DIAPH2: variants seen among roughly 807,000 people sequenced by gnomAD.
The protein encoded by DIAPH2 is diaphanous related formin 2, also known as protein diaphanous homolog 2.
A neutral mutation model predicts 92.7 loss-of-function variants in DIAPH2; 35 were observed. The ratio of observed to expected loss-of-function variants is 0.38; its 90% CI spans 0.29 to 0.50. The LOEUF (loss-of-function observed/expected upper bound fraction) is 0.50, where lower values mean the gene tolerates loss of function less well. Among genes scored for constraint, DIAPH2 ranks in the 20% least tolerant of loss-of-function variants. The probability of loss-of-function intolerance (pLI) is 0.94; values close to 1 mark genes in which losing one functional copy is unlikely to be tolerated. For missense variants in DIAPH2, 701 were observed against 819.5 expected, an observed-to-expected ratio of 0.86 and a Z score of 1.77; for synonymous variants, 301 against 280.4, an observed-to-expected ratio of 1.07 and a Z score of -0.73.
intron 23 of DIAPH2, among the ~76,000 whole-genome samples, chrX:97,285,418 T>C (rs1294408087): frequency 9.4e-6 from 1 of 106,108 alleles, no homozygotes; most frequent in African/African-American, 3.4e-5. Context: ...GATTCAGTTA[T>C]GGTCAGGCTG....
chrX:97,439,136 A>C (rs371062602), intron 26 of DIAPH2, among the ~76,000 whole-genome samples: 2 of 111,488 alleles, frequency 1.8e-5, no homozygotes, highest in African/African-American at 3.3e-5. Flanking sequence ...AGGTGCCAAA[A>C]ATGAATAGGA....
At chrX:96,821,773 G>A (rs751496961) in intron 4 of DIAPH2, among the ~76,000 whole-genome samples, 13 of 111,483 alleles carry the variant, frequency 1.2e-4, no homozygotes, top group Non-Finnish European at 2.4e-4. Flanking sequence ...TATGGCCTTT[G>A]AAAGTAAGAG....
intron 25 of DIAPH2, among the ~76,000 whole-genome samples, chrX:97,410,976 ACT>A (rs2147758896): frequency 8.9e-6 from 1 of 111,963 alleles, no homozygotes; most frequent in East Asian, 2.8e-4. Flanking sequence ...GTTGGAAAAC[ACT>A]CTGCAGGATA....
chrX:96,855,172 A>G (rs1272801164), intron 4 of DIAPH2, among the ~76,000 whole-genome samples: 2 of 110,256 alleles, frequency 1.8e-5, no homozygotes, highest in South Asian at 7.6e-4. Context: ...TTCTCCTTAG[A>G]TTTTTTTCTG....
At chrX:96,772,180 T>C (rs1411104996) in intron 4 of DIAPH2, among the ~76,000 whole-genome samples, 3 of 112,582 alleles carry the variant, frequency 2.7e-5, no homozygotes, top group African/African-American at 9.7e-5. Flanking sequence ...GAACAAACAT[T>C]AGTTCCTTTG....
chrX:96,788,593 A>G (rs1224778560), intron 4 of DIAPH2, among the ~76,000 whole-genome samples: 3 of 111,961 alleles, frequency 2.7e-5, no homozygotes, highest in African/African-American at 9.7e-5. Flanking sequence ...TGTGTAAGTA[A>G]AATTATAAGT....
chrX:96,912,092 A>G (rs2147779554), intron 5 of DIAPH2, among the ~76,000 whole-genome samples: 1 of 111,379 alleles, frequency 9.0e-6, no homozygotes, highest in South Asian at 3.8e-4. Context: ...TGGTGAAACA[A>G]CCAAGGCAGT....
chrX:97,092,195 A>C (rs949501296), intron 19 of DIAPH2, among the ~76,000 whole-genome samples: 6 of 112,240 alleles, frequency 5.3e-5, no homozygotes, highest in African/African-American at 1.9e-4. Flanking sequence ...GGGGGCAAGT[A>C]ATGAGAACTT....
At chrX:97,509,979 G>C (rs2070873523) in intron 26 of DIAPH2, among the ~76,000 whole-genome samples, 1 of 111,016 alleles carries the variant, frequency 9.0e-6, no homozygotes, top group Non-Finnish European at 1.9e-5. Context: ...ACGTGTGCAT[G>C]TGTCTTTATA....
chrX:97,515,751 G>A (rs1354710248), intron 26 of DIAPH2, among the ~76,000 whole-genome samples: 1 of 110,522 alleles, frequency 9.0e-6, no homozygotes, highest in Admixed American at 9.7e-5. Flanking sequence ...CTGGAATGAA[G>A]GTTTTATGGC....
chrX:96,943,572 C>G (rs910688149), intron 13 of DIAPH2, among the ~76,000 whole-genome samples: 1 of 110,644 alleles, frequency 9.0e-6, no homozygotes, highest in Admixed American at 9.7e-5. Context: ...CATTATAGAC[C>G]ATAGTTAGGA....
intron 21 of DIAPH2, among the ~76,000 whole-genome samples, chrX:97,132,391 G>T (rs1186622450): frequency 9.0e-6 from 1 of 111,437 alleles, no homozygotes; most frequent in African/African-American, 3.3e-5. Flanking sequence ...AATAAAGCTG[G>T]GAAAACATGT....
chrX:96,916,042 A>G (rs1277562503), intron 7 of DIAPH2, among the ~76,000 whole-genome samples: 1 of 111,936 alleles, frequency 8.9e-6, no homozygotes, highest in Non-Finnish European at 1.9e-5. Flanking sequence ...AATTTTTCAT[A>G]CAAACATATT....
chrX:97,316,485 C>CAAAAAAAA (rs55897560), intron 23 of DIAPH2, among the ~76,000 whole-genome samples: 83 of 59,209 alleles, frequency 1.4e-3, no homozygotes, highest in Non-Finnish European at 1.8e-3. Flanking sequence ...ACTAAAAATA[C>CAAAAAAAA]AAAAAAAAAA....
At chrX:97,489,131 G>A (rs1196811530) in intron 26 of DIAPH2, among the ~76,000 whole-genome samples, 4 of 111,238 alleles carry the variant, frequency 3.6e-5, no homozygotes, top group South Asian at 3.7e-4. Context: ...TGTAGTTTTC[G>A]CCGTACAAGT....
At chrX:96,806,161 A>C (rs1463403513) in intron 4 of DIAPH2, among the ~76,000 whole-genome samples, 1 of 111,780 alleles carries the variant, frequency 8.9e-6, no homozygotes, top group Non-Finnish European at 1.9e-5. Context: ...TGATTATTCT[A>C]TGCAGAAACC....
chrX:96,707,410 A>T (rs1373134478), intron 1 of DIAPH2, among the ~76,000 whole-genome samples: 1 of 109,590 alleles, frequency 9.1e-6, no homozygotes, highest in Non-Finnish European at 1.9e-5. Flanking sequence ...GTCTCAGGTG[A>T]TCTACCTGCC....
At chrX:96,785,865 A>C in intron 4 of DIAPH2, among the ~76,000 whole-genome samples, 1 of 111,006 alleles carries the variant, frequency 9.0e-6, no homozygotes, top group Non-Finnish European at 1.9e-5. Flanking sequence ...CTACCTCCTA[A>C]TACCGCCACA....
chrX:96,719,567 G>C (rs1407902460), intron 1 of DIAPH2, among the ~76,000 whole-genome samples: 1 of 111,437 alleles, frequency 9.0e-6, no homozygotes, highest in Non-Finnish European at 1.9e-5. Context: ...TATGTTCTTG[G>C]CACCTTTGTT....
Sources: allele counts gnomAD v4.1 joint callset (sites outside exome capture counted in the v4.1 genomes callset), GRCh38; gene constraint gnomAD v4.1.1; transcripts MANE v1.5; gene names NCBI Gene and HGNC (gene_info 2026-07-23, HGNC 2026-07-21).